Variants in PLCXD2 observed in about 807,000 individuals in gnomAD.
PLCXD2 encodes PI-PLC X domain-containing protein 2.
Under a neutral mutation model 28.6 loss-of-function variants are expected in PLCXD2, and 21 were observed. The observed-to-expected ratio is 0.73, with a 90% CI of 0.52 to 1.06. PLCXD2 has a LOEUF of 1.06. PLCXD2 is among the 50% of genes least tolerant of loss of function. The probability of loss-of-function intolerance (pLI) is 0.00; values close to 1 mark genes in which losing one functional copy is unlikely to be tolerated. For missense variants in PLCXD2, 369 were observed against 376.7 expected (o/e 0.98, Z 0.17); for synonymous variants, 140 against 150.1 (o/e 0.93, Z 0.49).
At chr3:111,695,697 G>A (rs1304147629) in intron 1 of PLCXD2, among the ~76,000 whole-genome samples, 3 of 152,190 alleles carry the variant, frequency 2.0e-5, no homozygotes, top group Non-Finnish European at 2.9e-5. Context: ...GTGTTTGAGT[G>A]TTTTAATGAT....
At chr3:111,726,478 A>T (rs749469400) in intron 3 of PLCXD2, 3 of 152,236 alleles carry the variant, frequency 2.0e-5, no homozygotes, top group Non-Finnish European at 2.9e-5. Flanking sequence ...CGTGAACCTG[A>T]TAAATGCTCT....
intron 1 of PLCXD2, among the ~76,000 whole-genome samples, chr3:111,682,180 A>G (rs1390278549): frequency 6.6e-6 from 1 of 152,218 alleles, no homozygotes; most frequent in Non-Finnish European, 1.5e-5. Context: ...GTTGTTAAAC[A>G]TCGATAGGAA....
chr3:111,711,579 A>G (rs1364767307), intron 2 of PLCXD2, among the ~76,000 whole-genome samples: 42 of 152,240 alleles, frequency 2.8e-4, no homozygotes, highest in Admixed American at 2.7e-3. Context: ...TGAAAGAAGT[A>G]TGCTACCATT....
At chr3:111,681,791 T>C (rs1940719230) in intron 1 of PLCXD2, among the ~76,000 whole-genome samples, 2 of 152,000 alleles carry the variant, frequency 1.3e-5, no homozygotes, top group African/African-American at 4.8e-5. Flanking sequence ...AGCTGAGGAG[T>C]TGGTTTCTAA....
chr3:111,704,879 C>CT (rs1247679802), intron 1 of PLCXD2, among the ~76,000 whole-genome samples: 2 of 151,188 alleles, frequency 1.3e-5, no homozygotes, highest in African/African-American at 2.4e-5. Context: ...GTGGCACCAT[C>CT]TCAGCTCACT....
rs1941243885 is a variant in PLCXD2, at chr3:111,714,600, C to G, written c.866+472C>G. 3.3e-5 allele frequency among the ~76,000 whole-genome samples: 5 copies of G among 152,202 alleles called. No homozygotes were observed. The South Asian group carries it at 8.3e-4, about 25-fold the overall frequency. ...GCAGCTTAGGATGCCACCCACCATG[C>G]CCATGCTGTAGCTTCAAATACTTCC... On this transcript the variant is annotated intron_variant, in intron 3 of 4. Coordinates refer to ENST00000477665, the MANE Select transcript of PLCXD2 (RefSeq NM_001185106.1).
At chr3:111,706,558 G>A (rs117004635) in intron 1 of PLCXD2, among the ~76,000 whole-genome samples, 1 of 151,802 alleles carries the variant, frequency 6.6e-6, no homozygotes, top group East Asian at 1.9e-4. Flanking sequence ...TTAACAAAAT[G>A]ACAAGGACTA....
chr3:111,709,465 T>TAC (rs1277756864), intron 2 of PLCXD2, among the ~76,000 whole-genome samples: 5 of 128,368 alleles, frequency 3.9e-5, no homozygotes, highest in South Asian at 2.2e-4. Context: ...TGTGTGTGTA[T>TAC]ATACACACAC....
At chr3:111,677,422 G>A (rs915877298) in intron 1 of PLCXD2, 4 of 152,156 alleles carry the variant, frequency 2.6e-5, no homozygotes, top group African/African-American at 7.2e-5. Context: ...TTTGGGAAAT[G>A]GGGGCCATCA....
chr3:111,709,090 TG>T (rs10716384), intron 2 of PLCXD2, among the ~76,000 whole-genome samples: 59,450 of 133,004 alleles, frequency 0.45, 13,664 homozygotes, highest in East Asian at 0.59. Context: ...TTACACTCTC[TG>T]GAAAAAAAAA....
At chr3:111,706,514 G>A (rs1941120301) in intron 1 of PLCXD2, among the ~76,000 whole-genome samples, 2 of 151,870 alleles carry the variant, frequency 1.3e-5, no homozygotes, top group Non-Finnish European at 1.5e-5. Flanking sequence ...GAAGAAGAAA[G>A]GTACAAAGAA....
At chr3:111,695,279 A>G (rs1191948584) in intron 1 of PLCXD2, among the ~76,000 whole-genome samples, 1 of 151,670 alleles carries the variant, frequency 6.6e-6, no homozygotes. Context: ...GTCTCTTTTT[A>G]TCTGCAAGTG....
At chr3:111,722,482 GA>G (rs1482220066) in intron 3 of PLCXD2, 12 of 152,144 alleles carry the variant, frequency 7.9e-5, no homozygotes, top group African/African-American at 2.9e-4. Flanking sequence ...GGGTCGTGAA[GA>G]ACTATTAGTT....
intron 1 of PLCXD2, among the ~76,000 whole-genome samples, chr3:111,702,253 A>G (rs1435875448): frequency 6.6e-6 from 1 of 152,192 alleles, no homozygotes; most frequent in Admixed American, 6.6e-5. Context: ...GCACAAGGGA[A>G]TGGAAGGTTC....
rs547766824 is a variant in PLCXD2, at chr3:111,694,366, C to G, written c.164-13560C>G. ...CAGCAAACAGAAGATACTCCAGCTA[C>G]CAGTATTCACTGTGCTTAGAGGAGA... On this transcript the variant is annotated intron_variant, in intron 1 of 4. Transcript: ENST00000477665. Among the ~76,000 whole-genome samples, 6 of 152,290 alleles carry G rather than the reference C, an allele frequency of 3.9e-5. No homozygotes were observed. In the South Asian group the frequency reaches 1.2e-3, roughly 32 times the overall value.
At chr3:111,678,959 G>A (rs1940669564) in intron 1 of PLCXD2, among the ~76,000 whole-genome samples, 1 of 152,066 alleles carries the variant, frequency 6.6e-6, no homozygotes, top group South Asian at 2.1e-4. Context: ...CTTAAAAGGG[G>A]CTGTAGATTA....
At chr3:111,715,294 T>G (rs536629189) in intron 3 of PLCXD2, among the ~76,000 whole-genome samples, 1 of 152,252 alleles carries the variant, frequency 6.6e-6, no homozygotes, top group African/African-American at 2.4e-5. Context: ...AATATGTTTG[T>G]GTATCCACAC....
chr3:111,693,549 G>T (rs1940917065), intron 1 of PLCXD2, among the ~76,000 whole-genome samples: 1 of 152,158 alleles, frequency 6.6e-6, no homozygotes, highest in Non-Finnish European at 1.5e-5. Context: ...GGCTATTGTA[G>T]TTACTTCAAT....
chr3:111,691,706 T>C (rs960627272), intron 1 of PLCXD2, among the ~76,000 whole-genome samples: 1 of 152,196 alleles, frequency 6.6e-6, no homozygotes, highest in African/African-American at 2.4e-5. Flanking sequence ...ATCCCCAGAG[T>C]ATCTTTGTGT....
Sources: allele counts gnomAD v4.1 joint callset (sites outside exome capture counted in the v4.1 genomes callset), GRCh38; gene constraint gnomAD v4.1.1; transcripts MANE v1.5; gene names NCBI Gene and HGNC (gene_info 2026-07-23, HGNC 2026-07-21).